The following PLB1 variants were observed in gnomAD, a reference collection of about 807,000 sequenced individuals.
PLB1 encodes phospholipase B1, membrane-associated.
In PLB1, 242 loss-of-function variants were observed where a neutral mutation model predicts 227.4. The ratio of observed to expected loss-of-function variants is 1.06; its 90% CI spans 0.96 to 1.18. PLB1 has a LOEUF of 1.18. Among genes scored for constraint, PLB1 ranks in the 50% most tolerant of loss-of-function variants. The probability of loss-of-function intolerance (pLI) is 0.00; values close to 1 mark genes in which losing one functional copy is unlikely to be tolerated. For synonymous variants in PLB1, 757 were observed against 682.2 expected (o/e 1.11, Z -1.71); for missense variants, 1,858 against 1,816.3 (o/e 1.02, Z -0.42).
chr2:28,601,191 G>C (rs1683815285), intron 36 of PLB1, 61 bp from the exon 37 acceptor site: 7 of 1,385,662 alleles, frequency 5.1e-6, no homozygotes, highest in South Asian at 4.7e-5. Flanking sequence ...GGATTTCCTA[G>C]GGCAGGGATA....
In PLB1 at chr2:28,643,570, G is replaced by A. The variant is rs1690191926; in HGVS notation, c.*509G>A. 2 of 153,030 alleles carry A rather than the reference G, an allele frequency of 1.3e-5. No homozygotes were observed. The highest frequency in any genetic ancestry group is 4.8e-5 in the African/African-American group (2 of 41,594). 9.5% of individuals were successfully genotyped at this position (153,030 alleles called of 1,614,324 possible). On this transcript the variant is annotated 3_prime_UTR_variant, in exon 58 of 58. Transcript: ENST00000327757. ...ATCCAGGACAATGCGAAGCACTGAG[G>A]TGCCTCCTAGGCTGTGCATGTCGCA...
intron 17 of PLB1, among the ~76,000 whole-genome samples, chr2:28,558,827 T>C (rs1407604853): frequency 6.6e-6 from 1 of 152,178 alleles, no homozygotes; most frequent in Non-Finnish European, 1.5e-5. Flanking sequence ...GGCTGTGCAG[T>C]GGCAGCTACA....
intron 43 of PLB1, among the ~76,000 whole-genome samples, chr2:28,608,784 T>C (rs956369040): frequency 3.0e-4 from 45 of 152,268 alleles, no homozygotes; most frequent in African/African-American, 8.2e-4. Flanking sequence ...TTCCTGGGTT[T>C]GTGGACACTA....
Position 28,643,799 on chromosome 2 carries a change from A to G in PLB1, c.*738A>G, listed in dbSNP as rs575395773. ...TGATTGGGACACAAATACCTCCTAT[A>G]TTCTCAACCTGATTTTCTCAAGGTG... On this transcript the variant is annotated 3_prime_UTR_variant, in exon 58 of 58. Coordinates refer to ENST00000327757, the MANE Select transcript of PLB1 (RefSeq NM_153021.5). 7 of 152,384 alleles carry G rather than the reference A, an allele frequency of 4.6e-5. No homozygotes were observed. Among genetic ancestry groups the G allele is most frequent in the Non-Finnish European group, 7.3e-5 (5 of 68,034 alleles). The allele number at this position is 152,384 out of a possible 1,614,324, so 9.4% of individuals were successfully genotyped here. A position where few individuals can be genotyped will look rare whatever the true frequency, so the allele number is the denominator to read the frequency against.
chr2:28,521,197 C>T (rs144466769), intron 4 of PLB1, among the ~76,000 whole-genome samples: 1 of 152,298 alleles, frequency 6.6e-6, no homozygotes, highest in African/African-American at 2.4e-5. Context: ...TGGGTTGCCT[C>T]CACCTCTTGG....
chr2:28,541,068 G>A (rs551296632), intron 12 of PLB1, among the ~76,000 whole-genome samples: 8 of 152,258 alleles, frequency 5.3e-5, no homozygotes, highest in African/African-American at 1.4e-4. Context: ...CTACTCAGGA[G>A]GCTGAGGCGG....
rs6727075 is a variant in PLB1 at position 28,605,620 on chromosome 2, A to G, written c.2962-233A>G. ...ATAAATACGACACTTCTAATTGAAT[A>G]AGGGGCACTTGTAGGGTCAAAAAGG... On this transcript the variant is annotated intron_variant, in intron 41 of 57. Coordinates refer to ENST00000327757, the MANE Select transcript of PLB1 (RefSeq NM_153021.5). Among the ~76,000 whole-genome samples the G allele has an allele frequency of 9.4e-3, 1,437 of 152,278 alleles. 18 individuals carry two copies. Among genetic ancestry groups the G allele is most frequent in the African/African-American group, 0.032 (1,339 of 41,544 alleles).
intron 17 of PLB1, 135 bp downstream of exon 17, chr2:28,553,126 G>A (rs1674511362): frequency 1.4e-6 from 1 of 718,780 alleles, no homozygotes; most frequent in East Asian, 2.5e-5. Flanking sequence ...ATGTATATTT[G>A]TAAAGCCATG....
intron 31 of PLB1, 41 bp from the exon 32 acceptor site, chr2:28,592,620 T>C (rs1335705924): frequency 1.9e-6 from 3 of 1,602,580 alleles, no homozygotes; most frequent in Admixed American, 1.7e-5. Flanking sequence ...TGACTGTGGC[T>C]TCCCTCCTGC....
chr2:28,634,279 A>C (rs1689041595), intron 56 of PLB1, among the ~76,000 whole-genome samples: 1 of 152,228 alleles, frequency 6.6e-6, no homozygotes, highest in Admixed American at 6.5e-5. Context: ...TTTTTAAATC[A>C]GTTTATATGG....
chr2:28,637,497 G>A (rs1423737025), intron 56 of PLB1, among the ~76,000 whole-genome samples: 1 of 152,006 alleles, frequency 6.6e-6, no homozygotes, highest in African/African-American at 2.4e-5. Flanking sequence ...CAAGTAATCT[G>A]TATAAAAGAA....
intron 56 of PLB1, among the ~76,000 whole-genome samples, chr2:28,639,742 C>G (rs906150038): frequency 1.3e-5 from 2 of 152,194 alleles, no homozygotes; most frequent in African/African-American, 2.4e-5. Flanking sequence ...GTCACTGTTA[C>G]GATAGACTTG....
intron 38 of PLB1, 54 bp downstream of exon 38, chr2:28,602,018 G>C (rs1683993756): frequency 1.4e-6 from 2 of 1,445,932 alleles, no homozygotes; most frequent in African/African-American, 2.8e-5. Flanking sequence ...TGAGGGTGAA[G>C]GTGGATGGGG....
chr2:28,539,049 G>A (rs374332346), intron 10 of PLB1, 50 bp from the exon 11 acceptor site: 5 of 1,485,990 alleles, frequency 3.4e-6, no homozygotes, highest in Non-Finnish European at 4.7e-6. Context: ...AAGCCCGGCA[G>A]CCATGGCGAC....
chr2:28,539,475 T>A (rs953358172), intron 11 of PLB1, among the ~76,000 whole-genome samples: 1 of 152,232 alleles, frequency 6.6e-6, no homozygotes, highest in Admixed American at 6.5e-5. Flanking sequence ...AGAGTTCGCC[T>A]TGGCAAAACA....
In PLB1 at chr2:28,591,042, CTGTT is replaced by C. The variant is rs1573236986; in HGVS notation, c.2089-87_2089-84del. On this transcript the variant is annotated intron_variant, in intron 29 of 57. Transcript: ENST00000327757. ...GGGACACAGGGCAGGCAGGCCGCAGCTGTTTGTGCCAGGCCGACACTTAACTGAG... is the reference window on the plus strand; with the variant it reads ...GGGACACAGGGCAGGCAGGCCGCAGCTGTGCCAGGCCGACACTTAACTGAG... 3.3e-6 allele frequency: 5 copies of C among 1,517,578 alleles called. No individual in the cohort carries two copies. The East Asian group carries it at 1.1e-4, about 34-fold the overall frequency. The allele number at this position is 1,517,578 out of a possible 1,614,324, so 94.0% of individuals were successfully genotyped here.
rs1181594994 is a variant in PLB1 at position 28,565,351 on chromosome 2, G to A, written c.1278G>A (p.Trp426Ter). 1.9e-6 allele frequency: 3 copies of A among 1,605,018 alleles called. No homozygotes were observed. The highest frequency in any genetic ancestry group is 2.3e-5 in the South Asian group (2 of 88,764). Residue 426 changes from tryptophan (W) to a stop codon, truncating the protein, a stop_gained and splice_region_variant, in exon 19 of 58, where the codon TGG becomes TGA. Transcript: ENST00000327757. LOFTEE classifies it high-confidence loss of function. ...TGACTCAGTACCGAGGCCTGTCCTGGAGGTGAGTGAGGGTGTGGCAAGGCC... is the reference window on the plus strand; with the variant it reads ...TGACTCAGTACCGAGGCCTGTCCTGAAGGTGAGTGAGGGTGTGGCAAGGCC... The part of the protein sequence containing the change: ...DVLTQYRGLS[W>*]SVGGDENIGT...
At chr2:28,627,720 C>T (rs1347758245) in intron 51 of PLB1, among the ~76,000 whole-genome samples, 6 of 152,170 alleles carry the variant, frequency 3.9e-5, no homozygotes, top group Admixed American at 3.3e-4. Context: ...TGCACGGTAT[C>T]TCACCTGGCC....
At chr2:28,625,190 C>T (rs1184472204) in intron 50 of PLB1, 82 bp downstream of exon 50, 28 of 1,298,090 alleles carry the variant, frequency 2.2e-5, no homozygotes, top group South Asian at 4.9e-5. Flanking sequence ...AAGGGTCCCT[C>T]TCACCACAGC....
Sources: gnomAD v4.1 joint callset for allele counts (sites outside exome capture counted in the v4.1 genomes callset) on GRCh38, gnomAD v4.1.1 for gene constraint, MANE v1.5 for transcripts, NCBI Gene and HGNC (gene_info 2026-07-23, HGNC 2026-07-21) for gene names.